TANC1: variants seen among roughly 807,000 people sequenced by gnomAD.
TANC1 encodes tetratricopeptide repeat, ankyrin repeat and coiled-coil containing 1.
TANC1 carries 77 observed loss-of-function variants against 149.7 expected under a neutral mutation model. The ratio of observed to expected loss-of-function variants is 0.51; its 90% CI spans 0.43 to 0.62. The LOEUF is 0.62. Among genes scored for constraint, TANC1 ranks in the 20% least tolerant of loss-of-function variants. The probability of loss-of-function intolerance (pLI) is 0.00; values close to 1 mark genes in which losing one functional copy is unlikely to be tolerated. For missense variants in TANC1, 1,985 were observed against 2,321.8 expected, an observed-to-expected ratio of 0.85 and a Z score of 2.98; for synonymous variants, 854 against 925.0, an observed-to-expected ratio of 0.92 and a Z score of 1.39.
Position 159,133,344 on chromosome 2 carries a change from CTTTTTT to C in TANC1, c.260-2841_260-2836del, listed in dbSNP as rs796553146. Among the ~76,000 whole-genome samples, 124 of 97,088 alleles carry C rather than the reference CTTTTTT, an allele frequency of 1.3e-3. 1 individual carries two copies. The highest frequency in any genetic ancestry group is 4.5e-3 in the African/African-American group (121 of 26,942). 63.7% of individuals were successfully genotyped at this position (97,088 alleles called of 152,430 possible). A position where few individuals can be genotyped will look rare whatever the true frequency, so the allele number is the denominator to read the frequency against. On this transcript the variant is annotated intron_variant, in intron 4 of 26. Coordinates refer to ENST00000263635, the MANE Select transcript of TANC1 (RefSeq NM_033394.3). ...TGGGTTCTTGTCTTTGTTCTGGTTCCTTTTTTTTTTTTTTCTCTTTTTTTGTCTGAG... is the reference window on the plus strand; with the variant it reads ...TGGGTTCTTGTCTTTGTTCTGGTTCCTTTTTTTTCTCTTTTTTTGTCTGAG...
chr2:159,224,504 T>A, intron 23 of TANC1, 140 bp downstream of exon 23: 2 of 929,648 alleles, frequency 2.2e-6, no homozygotes, highest in Non-Finnish European at 3.2e-6. Flanking sequence ...CAGTCTCACT[T>A]AATCACCATT....
chr2:159,225,242 T>G, intron 23 of TANC1: 3 of 208,168 alleles, frequency 1.4e-5, no homozygotes, highest in East Asian at 1.4e-4. Flanking sequence ...CAGGCAGGGG[T>G]TAGAGAGGTT....
At chr2:159,065,431 A>G (rs2042576946) in intron 2 of TANC1, among the ~76,000 whole-genome samples, 1 of 152,182 alleles carries the variant, frequency 6.6e-6, no homozygotes, top group Admixed American at 6.5e-5. Flanking sequence ...AACCTTCCAA[A>G]ATGTTTTCCT....
chr2:159,180,666 G>T (rs1474904813), intron 14 of TANC1, among the ~76,000 whole-genome samples: 1 of 152,222 alleles, frequency 6.6e-6, no homozygotes, highest in Admixed American at 6.5e-5. Flanking sequence ...GGTGCGAGTT[G>T]TTGCCATTTT....
chr2:159,008,531 G>A (rs1379676986), intron 2 of TANC1, among the ~76,000 whole-genome samples: 2 of 152,098 alleles, frequency 1.3e-5, no homozygotes, highest in African/African-American at 4.8e-5. Flanking sequence ...ACTTCGTGTT[G>A]GCTTTTGGTT....
At chr2:159,225,594 G>A in intron 23 of TANC1, 94 bp from the exon 24 acceptor site, 1 of 935,388 alleles carries the variant, frequency 1.1e-6, no homozygotes, top group Non-Finnish European at 1.7e-6. Context: ...CTGGGCTCCT[G>A]CTGGTGCTGA....
At chr2:159,158,898 T>G (rs950456301) in intron 7 of TANC1, among the ~76,000 whole-genome samples, 1 of 152,242 alleles carries the variant, frequency 6.6e-6, no homozygotes, top group East Asian at 1.9e-4. Context: ...AGCAAGCCCC[T>G]TGCTCTTTTC....
In TANC1 at chr2:159,136,248, T is replaced by A; in HGVS notation, c.314T>A (p.Val105Asp). 6.2e-7 allele frequency: 1 copy of A among 1,613,646 alleles called. No individual in the cohort carries two copies. The highest frequency in any genetic ancestry group is 8.5e-7 in the Non-Finnish European group (1 of 1,179,588). Residue 105 changes from valine to aspartate, a missense_variant, in exon 5 of 27, where the codon GTT (valine) becomes GAT (aspartate). Val to Asp is a radical substitution (Grantham distance 152, BLOSUM62 -3). This residue lies in a region of TANC1 where 557 missense variants were observed against 612.9 expected (regional missense o/e 0.91). Transcript: ENST00000263635. ...VESPRVPGDA[V>D]IMPFREVAKP... ...AGCCCCAGAGTGCCTGGAGATGCAG[T>A]TATAATGCCATTCAGAGAAGTAGCC... is the stretch of plus-strand genomic sequence containing the variant.
intron 8 of TANC1, among the ~76,000 whole-genome samples, chr2:159,167,288 C>T (rs1413269943): frequency 6.6e-6 from 1 of 152,172 alleles, no homozygotes; most frequent in Non-Finnish European, 1.5e-5. Context: ...GTGCATTCAC[C>T]ATGAGGCATG....
chr2:159,018,884 G>A (rs1374548886), intron 2 of TANC1, among the ~76,000 whole-genome samples: 1 of 152,158 alleles, frequency 6.6e-6, no homozygotes, highest in Non-Finnish European at 1.5e-5. Context: ...ATAAAAGAAA[G>A]AATAAAACTC....
intron 6 of TANC1, 162 bp from the exon 7 acceptor site, chr2:159,150,208 A>C (rs1391230347): frequency 1.7e-6 from 1 of 577,386 alleles, no homozygotes; most frequent in Non-Finnish European, 3.0e-6. Context: ...ATATAGATAA[A>C]GCTCCATGAA....
At position 159,178,536 on chromosome 2, in the gene TANC1, G is replaced by C; in HGVS notation, c.1903-20G>C. The stretch of plus-strand genomic sequence containing the variant: ...GAATCTCTTTAGAGTGACACTGTGG[G>C]TTTTTGTTTTCTCCCCCAGGAAATC... On this transcript the variant is annotated intron_variant, in intron 13 of 26. Coordinates refer to ENST00000263635, the MANE Select transcript of TANC1 (RefSeq NM_033394.3). 6.5e-7 allele frequency: 1 copy of C among 1,537,702 alleles called. No individual in the cohort carries two copies. Among genetic ancestry groups the C allele is most frequent in the South Asian group, 1.3e-5 (1 of 77,510 alleles).
chr2:159,147,371 C>G (rs1025660396), intron 5 of TANC1, among the ~76,000 whole-genome samples: 3 of 152,234 alleles, frequency 2.0e-5, no homozygotes, highest in Non-Finnish European at 2.9e-5. Context: ...CTCCCTCCAG[C>G]CCAGCTGCCA....
At chr2:159,223,414 A>G (rs1559489106) in intron 22 of TANC1, among the ~76,000 whole-genome samples, 1 of 152,120 alleles carries the variant, frequency 6.6e-6, no homozygotes, top group Non-Finnish European at 1.5e-5. Flanking sequence ...TCCTTTGCCC[A>G]TTCTAAAGAT....
chr2:159,062,526 G>A (rs896195216), intron 2 of TANC1, among the ~76,000 whole-genome samples: 1 of 152,196 alleles, frequency 6.6e-6, no homozygotes, highest in African/African-American at 2.4e-5. Context: ...TGATGCAGAA[G>A]AGGAGAGCCT....
rs267598937 is a variant in TANC1 at position 159,179,006 on chromosome 2, G to A, written c.2353G>A (p.Glu785Lys). The A allele has an allele frequency of 6.2e-7, 1 of 1,614,126 alleles. No homozygotes were observed. Among genetic ancestry groups the A allele is most frequent in the Non-Finnish European group, 8.5e-7 (1 of 1,180,028 alleles). ...QAINAGHIQG[E>K]QGWEDFQQRM... ...TATTAATGCTGGCCACATCCAGGGG[G>A]AGCAGGGATGGGAAGACTTTCAGCA... is the stretch of plus-strand genomic sequence containing the variant. Residue 785 changes from glutamate (E) to lysine (K), a missense_variant, in exon 14 of 27, where the codon GAG (glutamate) becomes AAG (lysine). Physicochemically the swap from Glu to Lys is moderately conservative, Grantham distance 56. Transcript: ENST00000263635.
chr2:159,071,756 G>T (rs1478016938), intron 3 of TANC1, among the ~76,000 whole-genome samples: 3 of 152,100 alleles, frequency 2.0e-5, no homozygotes, highest in African/African-American at 7.2e-5. Flanking sequence ...CGTTTTCTGT[G>T]GTTGTGGACT....
At chr2:159,042,484 G>A (rs918784799) in intron 2 of TANC1, among the ~76,000 whole-genome samples, 7 of 152,092 alleles carry the variant, frequency 4.6e-5, no homozygotes, top group East Asian at 1.9e-4. Flanking sequence ...ATGAGCAAGC[G>A]TGCATGGAGC....
intron 2 of TANC1, among the ~76,000 whole-genome samples, chr2:159,052,245 A>G (rs1362150912): frequency 6.6e-6 from 1 of 152,226 alleles, no homozygotes; most frequent in Non-Finnish European, 1.5e-5. Context: ...TGTCTGTCAC[A>G]GTAAATATCT....
Sources: allele counts gnomAD v4.1 joint callset (sites outside exome capture counted in the v4.1 genomes callset), GRCh38; gene constraint gnomAD v4.1.1; regional missense constraint gnomAD v4.1.1; transcripts MANE v1.5; gene names NCBI Gene and HGNC (gene_info 2026-07-23, HGNC 2026-07-21).